The following OR2L13 variants were observed in gnomAD, a reference collection of about 807,000 sequenced individuals.
OR2L13 encodes olfactory receptor 2L13.
A neutral mutation model predicts 15.3 loss-of-function variants in OR2L13; 14 were observed. The observed-to-expected ratio is 0.91, with a 90% CI of 0.60 to 1.43. OR2L13 has a LOEUF of 1.43. OR2L13 is among the 40% of genes most tolerant of loss of function. The probability of loss-of-function intolerance (pLI) is 0.00; values close to 1 mark genes in which losing one functional copy is unlikely to be tolerated. For synonymous variants in OR2L13, 152 were observed against 142.9 expected (o/e 1.06, Z -0.45); for missense variants, 367 against 387.9 (o/e 0.95, Z 0.45).
At chr1:248,068,662 G>A in the OR2L13 span, among the ~76,000 whole-genome samples, 5 of 152,148 alleles carry the variant, frequency 3.3e-5, no homozygotes, top group African/African-American at 4.8e-5. Flanking sequence ...GCCTTCAGAC[G>A]ATCAAACTAC....
chr1:247,944,985 GT>G, the OR2L13 span, among the ~76,000 whole-genome samples: 2 of 151,446 alleles, frequency 1.3e-5, no homozygotes, highest in Non-Finnish European at 2.9e-5. Flanking sequence ...TTTTTGAAGG[GT>G]TTTTTGTGTC....
At chr1:248,081,544 A>G in the OR2L13 span, among the ~76,000 whole-genome samples, 1 of 152,168 alleles carries the variant, frequency 6.6e-6, no homozygotes, top group South Asian at 2.1e-4. Context: ...TGAACCTGGT[A>G]TGAGTAATGA....
the OR2L13 span, among the ~76,000 whole-genome samples, chr1:247,959,744 A>G: frequency 6.6e-6 from 1 of 152,180 alleles, no homozygotes; most frequent in East Asian, 1.9e-4. Flanking sequence ...GTGGCAACTG[A>G]GGCTTGTGCA....
At chr1:247,954,979 G>C in the OR2L13 span, among the ~76,000 whole-genome samples, 1 of 151,350 alleles carries the variant, frequency 6.6e-6, no homozygotes, top group Non-Finnish European at 1.5e-5. Context: ...TTAAGTTTTA[G>C]GGTACATGTG....
the OR2L13 span, among the ~76,000 whole-genome samples, chr1:248,042,467 G>A: frequency 2.0e-5 from 3 of 151,770 alleles, no homozygotes; most frequent in Non-Finnish European, 4.4e-5. Context: ...TAAATAACCT[G>A]CACATTGTGC....
the OR2L13 span, among the ~76,000 whole-genome samples, chr1:248,077,829 C>A: frequency 1.8e-4 from 27 of 151,940 alleles, no homozygotes; most frequent in African/African-American, 6.3e-4. Flanking sequence ...AAAACTAAAT[C>A]CAATCAGACT....
chr1:248,026,435 G>A, the OR2L13 span, among the ~76,000 whole-genome samples: 5 of 152,314 alleles, frequency 3.3e-5, no homozygotes, highest in African/African-American at 9.6e-5. Context: ...TATGGTTCAC[G>A]TTGGTTCTCT....
At chr1:247,971,009 T>C in the OR2L13 span, among the ~76,000 whole-genome samples, 2 of 152,164 alleles carry the variant, frequency 1.3e-5, no homozygotes, top group Non-Finnish European at 2.9e-5. Flanking sequence ...TAAATGACTA[T>C]ATAGATACGG....
At chr1:248,061,391 A>G in the OR2L13 span, 2 of 1,614,032 alleles carry the variant, frequency 1.2e-6, no homozygotes, top group East Asian at 2.2e-5. Context: ...AAGAAAGCCT[A>G]CCTGACCTGC....
At chr1:248,052,697 C>T in the OR2L13 span, among the ~76,000 whole-genome samples, 6 of 151,966 alleles carry the variant, frequency 3.9e-5, no homozygotes, top group Admixed American at 2.6e-4. Context: ...TGCCACTGCA[C>T]TCCAGCCTGG....
At chr1:248,064,226 G>A in the OR2L13 span, among the ~76,000 whole-genome samples, 1 of 152,168 alleles carries the variant, frequency 6.6e-6, no homozygotes, top group Admixed American at 6.5e-5. Context: ...AAATGATTAG[G>A]TCATGAGGAT....
At chr1:248,013,230 A>G in the OR2L13 span, among the ~76,000 whole-genome samples, 6 of 152,186 alleles carry the variant, frequency 3.9e-5, no homozygotes, top group Non-Finnish European at 7.4e-5. Context: ...GAAAGAAATT[A>G]ATATATACAG....
the OR2L13 span, among the ~76,000 whole-genome samples, chr1:248,054,833 GC>G: frequency 6.6e-6 from 1 of 152,160 alleles, no homozygotes; most frequent in African/African-American, 2.4e-5. Context: ...AGCTTAAGAA[GC>G]CTTTGGGCTG....
the OR2L13 span, among the ~76,000 whole-genome samples, chr1:247,985,775 T>C: frequency 3.3e-5 from 5 of 151,760 alleles, no homozygotes; most frequent in South Asian, 1.0e-3. Flanking sequence ...GCACCTGTTG[T>C]TTCCTGACTT....
At chr1:248,038,572 TC>T in the OR2L13 span, 4 of 1,614,212 alleles carry the variant, frequency 2.5e-6, no homozygotes, top group South Asian at 4.4e-5. Context: ...CAGAGTTTCT[TC>T]TTCTTGACTT....
the OR2L13 span, among the ~76,000 whole-genome samples, chr1:248,014,608 T>G: frequency 1.3e-5 from 2 of 152,150 alleles, no homozygotes; most frequent in Non-Finnish European, 2.9e-5. Context: ...GAAGGCTATA[T>G]TACTCTACAG....
At chr1:247,975,656 T>G in the OR2L13 span, 7 of 1,128,564 alleles carry the variant, frequency 6.2e-6, no homozygotes, top group Non-Finnish European at 6.6e-6. Flanking sequence ...CCTGTGAAGA[T>G]GAAGACAAAC....
chr1:247,959,240 T>C, the OR2L13 span, among the ~76,000 whole-genome samples: 9 of 152,190 alleles, frequency 5.9e-5, no homozygotes, highest in Admixed American at 3.3e-4. Context: ...GGGTTGAAAA[T>C]TCTTTTCTTT....
At chr1:248,038,800 G>C in the OR2L13 span, 1 of 1,614,098 alleles carries the variant, frequency 6.2e-7, no homozygotes, top group Non-Finnish European at 8.5e-7. Context: ...CATTTTTTCT[G>C]TGATGTTCCA....
Sources: gnomAD v4.1 joint callset for allele counts (sites outside exome capture counted in the v4.1 genomes callset) on GRCh38, gnomAD v4.1.1 for gene constraint, MANE v1.5 for transcripts, NCBI Gene and HGNC (gene_info 2026-07-23, HGNC 2026-07-21) for gene names.